The following PAPPA variants were observed in gnomAD, a reference collection of about 807,000 sequenced individuals.
PAPPA encodes the protein pappalysin 1.
In PAPPA, 60 loss-of-function variants were observed where a neutral mutation model predicts 164.0. The observed-to-expected ratio is 0.37, with a 90% confidence interval of 0.30 to 0.45. The LOEUF is 0.45. PAPPA is among the 20% of genes least tolerant of loss of function. The pLI is 1.00. For synonymous variants in PAPPA, 875 were observed against 814.1 expected (o/e 1.07, Z -1.27); for missense variants, 1,782 against 2,087.3 (o/e 0.85, Z 2.85).
intron 1 of PAPPA, among the ~76,000 whole-genome samples, chr9:116,179,255 T>C (rs750835912): frequency 4.6e-5 from 7 of 152,140 alleles, no homozygotes; most frequent in Non-Finnish European, 1.0e-4. Flanking sequence ...TGCTTTCAGA[T>C]AACAGTTCCT....
intron 9 of PAPPA, among the ~76,000 whole-genome samples, chr9:116,294,612 C>T (rs1370538485): frequency 6.6e-6 from 1 of 152,172 alleles, no homozygotes; most frequent in Admixed American, 6.5e-5. Flanking sequence ...TGTAAACCTT[C>T]AGCAGGTAAG....
chr9:116,312,527 C>T (rs913922116), intron 10 of PAPPA, among the ~76,000 whole-genome samples: 1 of 152,152 alleles, frequency 6.6e-6, no homozygotes, highest in Non-Finnish European at 1.5e-5. Flanking sequence ...ACTCATTTCT[C>T]TAAGTCTGAA....
At position 116,187,471 on chromosome 9, in the gene PAPPA, C is replaced by A. The variant is rs781689292; in HGVS notation, c.733C>A (p.Leu245Met). The change falls in exon 2 of 22, where the codon CTG (leucine) becomes ATG (methionine). Residue 245 changes from leucine to methionine, a missense_variant. Leu to Met is a conservative substitution (Grantham distance 15). Coordinates refer to ENST00000328252, the MANE Select transcript of PAPPA (RefSeq NM_002581.5). This position sits in a 1 kb window ranked among gnomAD's most constrained non-coding sequence, Gnocchi z 4.2. ...CKVLMLGGSA[L>M]NHNYRGYIEH... The stretch of plus-strand genomic sequence containing the variant: ...AGTGCTCATGTTAGGGGGCAGTGCC[C>A]TGAATCACAACTACCGGGGCTACAT... The A allele has an allele frequency of 1.9e-6, 3 of 1,614,172 alleles. No homozygotes were observed. The East Asian group carries it at 6.7e-5, about 36-fold the overall frequency.
intron 2 of PAPPA, among the ~76,000 whole-genome samples, chr9:116,201,009 A>G (rs532278640): frequency 2.7e-3 from 407 of 152,332 alleles, no homozygotes; most frequent in Non-Finnish European, 4.3e-3. Flanking sequence ...GAAACTAATC[A>G]TTCAAGATTC....
intron 10 of PAPPA, among the ~76,000 whole-genome samples, chr9:116,308,579 T>C (rs923865649): frequency 3.3e-5 from 5 of 152,192 alleles, no homozygotes; most frequent in African/African-American, 1.2e-4. Context: ...GTGTTCATAA[T>C]AGAAATACAG....
At chr9:116,382,884 G>A (rs1274976247) in intron 21 of PAPPA, among the ~76,000 whole-genome samples, 1 of 152,100 alleles carries the variant, frequency 6.6e-6, no homozygotes, top group African/African-American at 2.4e-5. Flanking sequence ...TCAAAAGAAC[G>A]GTGTCTGGAG....
chr9:116,335,108 C>T, intron 13 of PAPPA, 34 bp downstream of exon 13: 2 of 1,550,454 alleles, frequency 1.3e-6, no homozygotes, highest in Non-Finnish European at 8.9e-7. Flanking sequence ...CCCTAGGCCA[C>T]TTGTAGCCGA....
rs758647749 is a variant in PAPPA at position 116,398,607 on chromosome 9, A to G, written c.*1991A>G. ...CTATTGGCCATCTCTGGCCAATTAC[A>G]CTAAGAAACATATCAAGGTGCTTTT... On this transcript the variant is annotated 3_prime_UTR_variant, in exon 22 of 22. Transcript: ENST00000328252. 29 of 1,157,232 alleles carry G rather than the reference A, an allele frequency of 2.5e-5. No homozygotes were observed. The highest frequency in any genetic ancestry group is 3.3e-5 in the Non-Finnish European group (29 of 868,262). 71.7% of individuals were successfully genotyped at this position (1,157,232 alleles called of 1,614,324 possible). A position where few individuals can be genotyped will look rare whatever the true frequency, so the allele number is the denominator to read the frequency against.
chr9:116,320,483 C>T (rs1457895195), intron 10 of PAPPA, among the ~76,000 whole-genome samples: 1 of 152,194 alleles, frequency 6.6e-6, no homozygotes, highest in Non-Finnish European at 1.5e-5. Flanking sequence ...CTCTCTGTTT[C>T]ACACTCTGGC....
In PAPPA at chr9:116,283,034, T is replaced by C. The variant is rs184587545; in HGVS notation, c.2953+11618T>C. 6.2e-3 allele frequency among the ~76,000 whole-genome samples: 950 copies of C among 152,230 alleles called. 41 individuals carry two copies. The highest frequency in any genetic ancestry group is 1.1e-3 in the Non-Finnish European group (77 of 68,016). On this transcript the variant is annotated intron_variant, in intron 9 of 21. Coordinates refer to ENST00000328252, the MANE Select transcript of PAPPA (RefSeq NM_002581.5). Reference sequence around the variant, plus strand: ...TATCTTACTGGACAGAAAGATAAAATAGCCCAGGTCCAGTGCCTGTCACTC... The same window carrying C: ...TATCTTACTGGACAGAAAGATAAAACAGCCCAGGTCCAGTGCCTGTCACTC...
At chr9:116,227,781 A>G (rs1277665124) in intron 6 of PAPPA, among the ~76,000 whole-genome samples, 1 of 152,206 alleles carries the variant, frequency 6.6e-6, no homozygotes, top group Non-Finnish European at 1.5e-5. Context: ...GGAAACAAAG[A>G]CAATAAGATA....
chr9:116,158,473 G>T (rs1480997934), intron 1 of PAPPA, among the ~76,000 whole-genome samples: 2 of 152,276 alleles, frequency 1.3e-5, no homozygotes, highest in East Asian at 3.9e-4. Flanking sequence ...GTGACCTTGG[G>T]CAAGCAAGCT....
chr9:116,182,838 G>A (rs952377090), intron 1 of PAPPA, among the ~76,000 whole-genome samples: 8 of 152,156 alleles, frequency 5.3e-5, no homozygotes, highest in Non-Finnish European at 1.0e-4. Flanking sequence ...GGATGGTTCC[G>A]TAACAGGAGG....
intron 20 of PAPPA, among the ~76,000 whole-genome samples, chr9:116,381,372 A>C (rs1846729031): frequency 6.6e-6 from 1 of 152,226 alleles, no homozygotes; most frequent in South Asian, 2.1e-4. Context: ...TGGGAGTCAA[A>C]GACAAACTAG....
chr9:116,233,500 A>G (rs1427593787), intron 6 of PAPPA, among the ~76,000 whole-genome samples: 1 of 152,242 alleles, frequency 6.6e-6, no homozygotes, highest in East Asian at 1.9e-4. Flanking sequence ...GCCAGCAGTT[A>G]CTGCAAATAA....
At chr9:116,293,752 C>T (rs946044290) in intron 9 of PAPPA, among the ~76,000 whole-genome samples, 4 of 152,064 alleles carry the variant, frequency 2.6e-5, no homozygotes, top group East Asian at 1.9e-4. Context: ...GTCGGGAGTT[C>T]GAGACCAGCC....
intron 10 of PAPPA, among the ~76,000 whole-genome samples, chr9:116,316,869 G>A (rs2118918851): frequency 6.6e-6 from 1 of 152,282 alleles, no homozygotes; most frequent in African/African-American, 2.4e-5. Context: ...AAAAGCAAAA[G>A]GAAGAGAGCG....
At chr9:116,381,746 T>C (rs979704404) in intron 20 of PAPPA, among the ~76,000 whole-genome samples, 2 of 152,198 alleles carry the variant, frequency 1.3e-5, no homozygotes, top group Admixed American at 6.5e-5. Flanking sequence ...TCTTTGAGTC[T>C]CCGCATCTTC....
intron 7 of PAPPA, among the ~76,000 whole-genome samples, chr9:116,260,521 A>C (rs1844988735): frequency 6.6e-6 from 1 of 152,090 alleles, no homozygotes; most frequent in African/African-American, 2.4e-5. Context: ...CCTGAGCCAA[A>C]GTCATCCTAG....
Sources: gnomAD v4.1 joint callset for allele counts (sites outside exome capture counted in the v4.1 genomes callset) on GRCh38, gnomAD v4.1.1 for gene constraint, Gnocchi (gnomAD v3.1) non-coding constraint, MANE v1.5 for transcripts, NCBI Gene and HGNC (gene_info 2026-07-23, HGNC 2026-07-21) for gene names.